The following SEPTIN5 variants were observed in gnomAD, a reference collection of about 807,000 sequenced individuals.
SEPTIN5 encodes septin 5, also known as septin-5.
A neutral mutation model predicts 51.2 loss-of-function variants in SEPTIN5; 16 were observed. The observed-to-expected ratio is 0.31, with a 90% CI of 0.21 to 0.47. The LOEUF (loss-of-function observed/expected upper bound fraction) is 0.47. SEPTIN5 is among the 20% of genes least tolerant of loss of function. The probability of loss-of-function intolerance (pLI) is 0.99; values close to 1 mark genes in which losing one functional copy is unlikely to be tolerated. For synonymous variants in SEPTIN5, 208 were observed against 191.2 expected (o/e 1.09, Z -0.72); for missense variants, 376 against 500.3 (o/e 0.75, Z 2.37).
chr22:19,723,083 T>C lies in SEPTIN5; in HGVS notation c.*599T>C. The C allele has an allele frequency of 1.9e-6, 1 of 527,816 alleles. No individual in the cohort carries two copies. The highest frequency in any genetic ancestry group is 1.6e-5 in the South Asian group (1 of 63,652). 32.7% of individuals were successfully genotyped at this position (527,816 alleles called of 1,614,324 possible). A position where few individuals can be genotyped will look rare whatever the true frequency, so the allele number is the denominator to read the frequency against. ...CCCTTCTCCACAGCCCGGCCCGACC[T>C]GGAGGGCCCCCGGGGCACTGGGCGG... On this transcript the variant is annotated 3_prime_UTR_variant, in exon 12 of 12. Transcript: ENST00000455784.
chr22:19,714,930 C>T lies in SEPTIN5; in HGVS notation c.54+139C>T, dbSNP rs1935893202. ...CCTGTCGCGATCACCGATTGTCAGC[C>T]GGGCAGTGCCGCCGCGCCTGGGGCT... On this transcript the variant is annotated intron_variant, in intron 2 of 11. Coordinates refer to ENST00000455784, the MANE Select transcript of SEPTIN5 (RefSeq NM_002688.6). This position sits in a 1 kb window ranked among gnomAD's most constrained non-coding sequence, Gnocchi z 5.2. The T allele has an allele frequency of 8.7e-7, 1 of 1,149,506 alleles. No individual in the cohort carries two copies. Among genetic ancestry groups the T allele is most frequent in the Admixed American group, 2.7e-5 (1 of 36,984 alleles). The allele number at this position is 1,149,506 out of a possible 1,614,324, so 71.2% of individuals were successfully genotyped here.
rs576037104 is a variant in SEPTIN5, at chr22:19,720,859, G to A, written c.707G>A (p.Arg236Gln). Residue 236 changes from arginine (R) to glutamine (Q), a missense_variant, in exon 8 of 12, where the codon CGG becomes CAG. Arg to Gln is a conservative substitution (Grantham distance 43). Around this residue, in one of 2 missense-constraint regions of SEPTIN5, gnomAD observed 287 missense variants for 417.1 expected, o/e 0.69. Transcript: ENST00000455784. The stretch of plus-strand genomic sequence containing the variant: ...GATGAGGACTTCAAGCAGCAGGACC[G>A]GGAACTGAAGGTGAACATGCAGACT... ...DEDEDFKQQD[R>Q]ELKESAPFAV... 8 of 1,613,504 alleles carry A rather than the reference G, an allele frequency of 5.0e-6. No homozygotes were observed. The highest frequency in any genetic ancestry group is 2.2e-5 in the East Asian group (1 of 44,876).
intron 2 of SEPTIN5, chr22:19,718,447 C>T (rs1935951189): frequency 1.8e-6 from 2 of 1,106,372 alleles, no homozygotes; most frequent in African/African-American, 1.6e-5. Context: ...GCGCCTGCGA[C>T]GCCCCGCCTC....
chr22:19,720,549 G>A lies in SEPTIN5; in HGVS notation c.498G>A (p.Gly166=). ...CLYFISPFGH[G]LRPVDVGFMK... is the part of the protein sequence containing the mutation. ...GCCCACCCTTGGCTGCTCTCGGCAG[G>A]CTGCGGCCAGTGGATGTGGGTTTCA... The change falls in exon 7 of 12, where the codon GGG becomes GGA. Residue 166 remains glycine, a splice_region_variant and synonymous_variant. Transcript: ENST00000455784. 1.2e-6 allele frequency: 2 copies of A among 1,613,192 alleles called. No homozygotes were observed. The highest frequency in any genetic ancestry group is 8.5e-7 in the Non-Finnish European group (1 of 1,180,012).
chr22:19,720,091 C>A (rs1935995585), intron 4 of SEPTIN5, 24 bp from the exon 5 acceptor site: 3 of 1,612,678 alleles, frequency 1.9e-6, no homozygotes, highest in Non-Finnish European at 2.5e-6. Flanking sequence ...TGGAGAGGCC[C>A]TTCCAGTGGC....
At chr22:19,721,599 T>G in intron 8 of SEPTIN5, 41 bp from the exon 9 acceptor site, 1 of 1,604,010 alleles carries the variant, frequency 6.2e-7, no homozygotes, top group South Asian at 1.1e-5. Context: ...ACCGTGCAAT[T>G]ACGCTCACCG....
chr22:19,716,473 A>G (rs1175750324), intron 2 of SEPTIN5, among the ~76,000 whole-genome samples: 1 of 152,208 alleles, frequency 6.6e-6, no homozygotes. Context: ...GATTCTAAGA[A>G]TGGAAGTGCC....
intron 8 of SEPTIN5, among the ~76,000 whole-genome samples, 167 bp from the exon 9 acceptor site, chr22:19,721,473 C>T (rs1022033160): frequency 2.0e-5 from 3 of 152,114 alleles, no homozygotes; most frequent in African/African-American, 7.2e-5. Context: ...GGCTCTGGCT[C>T]CAGCCAGGGG....
At chr22:19,717,466 A>T (rs1487803540) in intron 2 of SEPTIN5, 2 of 410,892 alleles carry the variant, frequency 4.9e-6, no homozygotes, top group Non-Finnish European at 1.0e-5. Context: ...TCAGAGGGCA[A>T]GGGAATGTCC....
intron 2 of SEPTIN5, chr22:19,718,478 G>A: frequency 8.5e-7 from 1 of 1,173,512 alleles, no homozygotes; most frequent in Non-Finnish European, 1.1e-6. Context: ...GCGGGAGCGG[G>A]GCCTGCCCGG....
In SEPTIN5 at chr22:19,714,564, C is replaced by G; in HGVS notation, c.-25C>G. 1.4e-6 allele frequency: 2 copies of G among 1,398,148 alleles called. No individual in the cohort carries two copies. Among genetic ancestry groups the G allele is most frequent in the Non-Finnish European group, 1.9e-6 (2 of 1,077,652 alleles). The allele number at this position is 1,398,148 out of a possible 1,614,324, so 86.6% of individuals were successfully genotyped here. A position where few individuals can be genotyped will look rare whatever the true frequency, so the allele number is the denominator to read the frequency against. On this transcript the variant is annotated 5_prime_UTR_variant, in exon 1 of 12. Coordinates refer to ENST00000455784, the MANE Select transcript of SEPTIN5 (RefSeq NM_002688.6). This position sits in a 1 kb window ranked among gnomAD's most constrained non-coding sequence, Gnocchi z 5.2. Reference sequence around the variant, plus strand: ...TCGCGCCCCGCCCGCGAGCCCGCCCCGCACGTCCCCCGCCGGCGGCCACCA... The same window carrying G: ...TCGCGCCCCGCCCGCGAGCCCGCCCGGCACGTCCCCCGCCGGCGGCCACCA...
intron 10 of SEPTIN5, 55 bp downstream of exon 10, chr22:19,722,012 C>T (rs1318930941): frequency 1.3e-6 from 2 of 1,568,200 alleles, no homozygotes; most frequent in Non-Finnish European, 1.7e-6. Flanking sequence ...CCCACGTCTC[C>T]ATAACTGAGG....
At position 19,722,420 on chromosome 22, in the gene SEPTIN5, G is replaced by T. The variant is rs1475294860; in HGVS notation, c.1054-8G>T. On this transcript the variant is annotated splice_polypyrimidine_tract_variant and splice_region_variant and intron_variant, in intron 11 of 11. Coordinates refer to ENST00000455784, the MANE Select transcript of SEPTIN5 (RefSeq NM_002688.6). Reference sequence around the variant, plus strand: ...GCTGCTCACCCGCCGGGTTGTCTCCGCCCGCAGCTGAGGCGCATGCAGGAG... The same window carrying T: ...GCTGCTCACCCGCCGGGTTGTCTCCTCCCGCAGCTGAGGCGCATGCAGGAG... 13 of 1,599,662 alleles carry T rather than the reference G, an allele frequency of 8.1e-6. No individual in the cohort carries two copies. The East Asian group carries it at 2.7e-4, about 34-fold the overall frequency.
chr22:19,719,810 G>T lies in SEPTIN5; in HGVS notation c.156G>T (p.Glu52Asp). 6.2e-7 allele frequency: 1 copy of T among 1,613,056 alleles called. No individual in the cohort carries two copies. The highest frequency in any genetic ancestry group is 8.5e-7 in the Non-Finnish European group (1 of 1,179,966). Residue 52 changes from glutamate to aspartate, a missense_variant, in exon 4 of 12, where the codon GAG becomes GAT. Physicochemically the swap from Glu to Asp is conservative, Grantham distance 45. Transcript: ENST00000455784. ...GFDFTLMVAG[E>D]SGLGKSTLVH... ...CTTCTCTGTACCTGTGTGCAGGTGA[G>T]TCAGGCCTGGGGAAGTCCACACTGG... is the stretch of plus-strand genomic sequence containing the variant.
At chr22:19,716,493 C>T (rs937323920) in intron 2 of SEPTIN5, among the ~76,000 whole-genome samples, 42 of 152,212 alleles carry the variant, frequency 2.8e-4, no homozygotes, top group Non-Finnish European at 3.7e-4. Flanking sequence ...CAGAGAGGCT[C>T]AGGCATTGGG....
chr22:19,722,969 A>G lies in SEPTIN5; in HGVS notation c.*485A>G, dbSNP rs919435638. On this transcript the variant is annotated 3_prime_UTR_variant, in exon 12 of 12. Transcript: ENST00000455784. ...AGTCTTCCCTTATCCCCAGACGCCT[A>G]GCGGGCAGGGTTGGGCTGAATCAAA... The G allele has an allele frequency of 3.9e-5, 17 of 440,344 alleles. No individual in the cohort carries two copies. In the Admixed American group the frequency reaches 5.1e-4, roughly 13 times the overall value. 27.3% of individuals were successfully genotyped at this position (440,344 alleles called of 1,614,324 possible). A position where few individuals can be genotyped will look rare whatever the true frequency, so the allele number is the denominator to read the frequency against.
chr22:19,722,214 A>ACCCCCCCCC, intron 10 of SEPTIN5, 23 bp from the exon 11 acceptor site: 1 of 903,756 alleles, frequency 1.1e-6, no homozygotes, highest in Non-Finnish European at 1.7e-6. Flanking sequence ...CGCCCCGCCC[A>ACCCCCCCCC]TCCTCCCCCC....
rs1935985273 is a variant in SEPTIN5 at position 19,719,634 on chromosome 22, A to G, written c.87A>G (p.Thr29=). 6 of 1,612,986 alleles carry G rather than the reference A, an allele frequency of 3.7e-6. No individual in the cohort carries two copies. Among genetic ancestry groups the G allele is most frequent in the Non-Finnish European group, 5.1e-6 (6 of 1,179,916 alleles). ...DIDKQYVGFA[T]LPNQVHRKSV... ...ACAAGCAGTACGTGGGCTTCGCCACACTGCCCAACCAGGTGCACCGCAAGT... is the reference window on the plus strand; with the variant it reads ...ACAAGCAGTACGTGGGCTTCGCCACGCTGCCCAACCAGGTGCACCGCAAGT... Residue 29 remains threonine (T), a synonymous_variant, in exon 3 of 12, where the codon ACA becomes ACG. Coordinates refer to ENST00000455784, the MANE Select transcript of SEPTIN5 (RefSeq NM_002688.6).
chr22:19,719,476 C>A, intron 2 of SEPTIN5, 126 bp from the exon 3 acceptor site: 1 of 758,926 alleles, frequency 1.3e-6, no homozygotes, highest in Non-Finnish European at 2.1e-6. Context: ...TTATTTTTGC[C>A]AACGAAATGC....
Sources: gnomAD v4.1 joint callset for allele counts (sites outside exome capture counted in the v4.1 genomes callset) on GRCh38, gnomAD v4.1.1 for gene constraint, gnomAD v4.1.1 regional missense constraint, Gnocchi (gnomAD v3.1) non-coding constraint, MANE v1.5 for transcripts, NCBI Gene and HGNC (gene_info 2026-07-23, HGNC 2026-07-21) for gene names.